Variants in TADA2A observed in about 807,000 individuals in gnomAD.
TADA2A encodes the protein transcriptional adapter 2-alpha.
TADA2A carries 38 observed loss-of-function variants against 67.4 expected under a neutral mutation model. The ratio of observed to expected loss-of-function variants is 0.56; its 90% confidence interval spans 0.44 to 0.74. The LOEUF (loss-of-function observed/expected upper bound fraction) is 0.74, where lower values mean the gene tolerates loss of function less well. Ranked by LOEUF, TADA2A falls within the 30% of genes least tolerant of loss-of-function variation. The pLI is 0.00. For missense variants in TADA2A, 454 were observed against 547.0 expected, an observed-to-expected ratio of 0.83 and a Z score of 1.70; for synonymous variants, 192 against 181.6, an observed-to-expected ratio of 1.06 and a Z score of -0.46.
chr17:37,460,945 C>G (rs1235828276), intron 9 of TADA2A, among the ~76,000 whole-genome samples: 1 of 151,084 alleles, frequency 6.6e-6, no homozygotes, highest in Non-Finnish European at 1.5e-5. Context: ...GTCTGGGCAA[C>G]CTAGGAAAAC....
At chr17:37,453,213 C>T (rs1213781731) in intron 8 of TADA2A, among the ~76,000 whole-genome samples, 2 of 152,116 alleles carry the variant, frequency 1.3e-5, no homozygotes, top group Non-Finnish European at 2.9e-5. Context: ...ATCTTAAGGG[C>T]AGGTAGCAGT....
chr17:37,454,184 T>G (rs1001981790), intron 8 of TADA2A: 1 of 153,182 alleles, frequency 6.5e-6, no homozygotes, highest in Non-Finnish European at 1.5e-5. Context: ...AGTTGAGCTA[T>G]GCAGTTTCAG....
rs949695876 is a variant in TADA2A, at chr17:37,425,967, T to TA, written c.133-974dup. Among the ~76,000 whole-genome samples, 27 of 150,692 alleles carry TA rather than the reference T, an allele frequency of 1.8e-4. No individual in the cohort carries two copies. In the South Asian group the frequency reaches 2.9e-3, roughly 16 times the overall value. ...ACTTCAGGGACTTTTTATTTTTCTT[T>TA]AAAAAAAAATAAAGAATTTTTTTTA... On this transcript the variant is annotated intron_variant, in intron 3 of 15. Coordinates refer to ENST00000615182, the MANE Select transcript of TADA2A (RefSeq NM_001166105.3).
intron 2 of TADA2A, among the ~76,000 whole-genome samples, chr17:37,422,484 T>TGATG (rs2052270998): frequency 1.9e-4 from 16 of 85,650 alleles, no homozygotes; most frequent in African/African-American, 6.8e-4. Flanking sequence ...CCCAGCTGAT[T>TGATG]ATTATTATTA....
chr17:37,434,392 T>A (rs549829098), intron 4 of TADA2A, among the ~76,000 whole-genome samples: 1 of 152,310 alleles, frequency 6.6e-6, no homozygotes, highest in African/African-American at 2.4e-5. Context: ...GGAGCTTTCC[T>A]GTCCTCTCTG....
chr17:37,457,134 A>G (rs1173835354), intron 8 of TADA2A, among the ~76,000 whole-genome samples: 1 of 147,130 alleles, frequency 6.8e-6, no homozygotes, highest in Non-Finnish European at 1.5e-5. Flanking sequence ...TTGCCTTGAC[A>G]TTGTCTGTTA....
intron 2 of TADA2A, among the ~76,000 whole-genome samples, chr17:37,420,604 G>T (rs1395045381): frequency 6.9e-6 from 1 of 145,568 alleles, no homozygotes; most frequent in Non-Finnish European, 1.5e-5. Context: ...TGCTGGTCAG[G>T]TTAGTCTTGA....
At chr17:37,443,844 A>C (rs2158238) in intron 7 of TADA2A, among the ~76,000 whole-genome samples, 1 of 152,224 alleles carries the variant, frequency 6.6e-6, no homozygotes, top group Non-Finnish European at 1.5e-5. Context: ...AAGAATGATG[A>C]ATGTGTATAA....
intron 11 of TADA2A, 32 bp from the exon 12 acceptor site, chr17:37,467,422 A>AT (rs1381657725): frequency 6.3e-7 from 1 of 1,597,826 alleles, no homozygotes; most frequent in Non-Finnish European, 8.5e-7. Flanking sequence ...TGTTTTTGTA[A>AT]TTTTTTCCTT....
At chr17:37,412,218 GAA>G (rs58185039) in intron 2 of TADA2A, among the ~76,000 whole-genome samples, 52 of 106,636 alleles carry the variant, frequency 4.9e-4, no homozygotes, top group South Asian at 3.5e-3. Flanking sequence ...CTCAAAAAAA[GAA>G]AAAAAAAAAA....
At chr17:37,449,278 C>T (rs1466998997) in intron 8 of TADA2A, among the ~76,000 whole-genome samples, 1 of 152,220 alleles carries the variant, frequency 6.6e-6, no homozygotes, top group African/African-American at 2.4e-5. Context: ...GCCTCAGCCT[C>T]CCAAAGTGCT....
chr17:37,456,942 G>C (rs902515666), intron 8 of TADA2A, among the ~76,000 whole-genome samples: 1 of 152,012 alleles, frequency 6.6e-6, no homozygotes, highest in Non-Finnish European at 1.5e-5. Flanking sequence ...TTTAACATGA[G>C]ACTAAAGCCA....
intron 2 of TADA2A, among the ~76,000 whole-genome samples, chr17:37,415,547 A>G (rs939055038): frequency 1.3e-5 from 2 of 152,118 alleles, no homozygotes; most frequent in African/African-American, 4.8e-5. Context: ...ATGCCCCTCT[A>G]TATGAGTTGT....
At position 37,433,953 on chromosome 17, in the gene TADA2A, CA is replaced by C. The variant is rs57761020; in HGVS notation, c.193-3772del. On this transcript the variant is annotated intron_variant, in intron 4 of 15. Transcript: ENST00000615182. ...TGGGCTATGGAGCAAGACTTGGTCTCAAAAAAAAAAAAAGTGGGGGGCAAAA... is the reference window on the plus strand; with the variant it reads ...TGGGCTATGGAGCAAGACTTGGTCTCAAAAAAAAAAAAGTGGGGGGCAAAA... Among the ~76,000 whole-genome samples, 516 of 134,054 alleles carry C rather than the reference CA, an allele frequency of 3.8e-3. 2 individuals carry two copies. Among genetic ancestry groups the C allele is most frequent in the African/African-American group, 6.9e-3 (259 of 37,348 alleles). The allele number at this position is 134,054 out of a possible 152,430, so 87.9% of individuals were successfully genotyped here.
At chr17:37,469,964 A>C (rs1196363007) in intron 12 of TADA2A, among the ~76,000 whole-genome samples, 1 of 152,244 alleles carries the variant, frequency 6.6e-6, no homozygotes, top group African/African-American at 2.4e-5. Context: ...CTACATGTCA[A>C]AGAGAACTCT....
chr17:37,432,852 C>T (rs935907037), intron 4 of TADA2A, among the ~76,000 whole-genome samples: 5 of 151,154 alleles, frequency 3.3e-5, no homozygotes, highest in African/African-American at 9.7e-5. Context: ...CATGTGCTTG[C>T]CAACATTTGG....
intron 2 of TADA2A, among the ~76,000 whole-genome samples, chr17:37,421,354 G>A (rs1262794295): frequency 6.8e-6 from 1 of 146,038 alleles, no homozygotes; most frequent in African/African-American, 2.5e-5. Flanking sequence ...TCCAGCCTGG[G>A]CAACAGTCTA....
At chr17:37,465,378 C>A in intron 10 of TADA2A, 53 bp from the exon 11 acceptor site, 3 of 1,370,610 alleles carry the variant, frequency 2.2e-6, no homozygotes, top group South Asian at 1.4e-5. Flanking sequence ...ATGCTGAAAA[C>A]TCAGGGATCC....
rs1568191427 is a variant in TADA2A, at chr17:37,477,804, C to G, written c.*822C>G. On this transcript the variant is annotated 3_prime_UTR_variant, in exon 16 of 16. Coordinates refer to ENST00000615182, the MANE Select transcript of TADA2A (RefSeq NM_001166105.3). ...TATGAGTAAAGGGGAAGAAAATATC[C>G]TTATGATGGTCTTATCCCAAACTGC... 1 of 152,154 alleles carries G rather than the reference C, an allele frequency of 6.6e-6. No homozygotes were observed. Among genetic ancestry groups the G allele is most frequent in the Admixed American group, 6.5e-5 (1 of 15,272 alleles). The allele number at this position is 152,154 out of a possible 1,614,324, so 9.4% of individuals were successfully genotyped here.
Sources: gnomAD v4.1 joint callset for allele counts (sites outside exome capture counted in the v4.1 genomes callset) on GRCh38, gnomAD v4.1.1 for gene constraint, MANE v1.5 for transcripts, NCBI Gene and HGNC (gene_info 2026-07-23, HGNC 2026-07-21) for gene names.